Variants in ENDOD1 observed in about 807,000 individuals in gnomAD.
The protein encoded by ENDOD1 is endonuclease domain containing 1, also known as endonuclease domain-containing 1 protein.
In ENDOD1, 9 loss-of-function variants were observed where a neutral mutation model predicts 6.5. The observed-to-expected ratio is 1.39, with a 90% CI of 0.84 to 2.43. ENDOD1 has a LOEUF of 2.43. Among genes scored for constraint, ENDOD1 ranks in the 30% most tolerant of loss-of-function variants. The pLI is 0.00. For missense variants in ENDOD1, 648 were observed against 635.5 expected (o/e 1.02, Z -0.21); for synonymous variants, 255 against 255.2 (o/e 1.00, Z 0.01).
At chr11:95,093,154 A>G (rs1858947490) in intron 1 of ENDOD1, among the ~76,000 whole-genome samples, 1 of 152,228 alleles carries the variant, frequency 6.6e-6, no homozygotes, top group East Asian at 1.9e-4. Context: ...CCCAGCCCCT[A>G]CAGGACAAAG....
At position 95,130,486 on chromosome 11, in the gene ENDOD1, A is replaced by G. The variant is rs111553854; in HGVS notation, c.*907A>G. 3 of 152,252 alleles carry G rather than the reference A, an allele frequency of 2.0e-5. No individual in the cohort carries two copies. The highest frequency in any genetic ancestry group is 7.2e-5 in the African/African-American group (3 of 41,558). 9.4% of individuals were successfully genotyped at this position (152,252 alleles called of 1,614,324 possible). A position where few individuals can be genotyped will look rare whatever the true frequency, so the allele number is the denominator to read the frequency against. On this transcript the variant is annotated 3_prime_UTR_variant, in exon 2 of 2. Coordinates refer to ENST00000278505, the MANE Select transcript of ENDOD1 (RefSeq NM_015036.3). ...GTGTATCCCTGCCTGACAAGGTTGA[A>G]CTGAAAGATCTATATGTTAAGCTAA...
intron 1 of ENDOD1, among the ~76,000 whole-genome samples, chr11:95,110,793 G>A (rs1555111846): frequency 2.0e-5 from 3 of 152,122 alleles, no homozygotes; most frequent in African/African-American, 7.2e-5. Flanking sequence ...CCATGGTGTA[G>A]TCCCCTGACT....
At chr11:95,092,525 A>T (rs1228304759) in intron 1 of ENDOD1, among the ~76,000 whole-genome samples, 11 of 152,218 alleles carry the variant, frequency 7.2e-5, no homozygotes, top group Admixed American at 5.9e-4. Context: ...TTGAGAGGTA[A>T]GATGTACAGC....
At chr11:95,124,140 AAG>A (rs1859289483) in intron 1 of ENDOD1, among the ~76,000 whole-genome samples, 1 of 152,216 alleles carries the variant, frequency 6.6e-6, no homozygotes, top group South Asian at 2.1e-4. Flanking sequence ...AGGATTTCCC[AAG>A]AGAGAGAAAA....
rs1339574718 is a variant in ENDOD1 at position 95,089,970 on chromosome 11, C to G, written c.43C>G (p.Leu15Val). ...RWLALGSLFA[L>V]AGLLEGRLVG... ...GCTCGCGCTGGGCAGCCTCTTCGCC[C>G]TGGCTGGGCTGCTGGAAGGCCGGCT... Residue 15 changes from leucine (L) to valine (V), a missense_variant, in exon 1 of 2, where the codon CTG becomes GTG. Coordinates refer to ENST00000278505, the MANE Select transcript of ENDOD1 (RefSeq NM_015036.3). 1.3e-6 allele frequency: 2 copies of G among 1,532,598 alleles called. No individual in the cohort carries two copies. Among genetic ancestry groups the G allele is most frequent in the Non-Finnish European group, 1.8e-6 (2 of 1,139,128 alleles). The allele number at this position is 1,532,598 out of a possible 1,614,324, so 94.9% of individuals were successfully genotyped here.
In ENDOD1 at chr11:95,129,172, A is replaced by C. The variant is rs764907006; in HGVS notation, c.1096A>C (p.Lys366Gln). ...TGTCTATTTCCTGTGGTGTGTTACC[A>C]AGCAGGTGATTAATGGCATAGAAAG... ...NIVYFLWCVTKQVINGIESCL... is the reference protein window; with the variant it reads ...NIVYFLWCVTQQVINGIESCL... The change falls in exon 2 of 2, where the codon AAG (lysine) becomes CAG (glutamine). Residue 366 changes from lysine (K) to glutamine (Q), a missense_variant. Lys to Gln is a moderately conservative substitution (Grantham distance 53, BLOSUM62 1). Transcript: ENST00000278505. 6.2e-7 allele frequency: 1 copy of C among 1,614,180 alleles called. No homozygotes were observed. The highest frequency in any genetic ancestry group is 8.5e-7 in the Non-Finnish European group (1 of 1,180,034).
chr11:95,094,431 C>G (rs782425943), intron 1 of ENDOD1, among the ~76,000 whole-genome samples: 2 of 152,170 alleles, frequency 1.3e-5, no homozygotes, highest in Non-Finnish European at 2.9e-5. Flanking sequence ...CTAATTTCTA[C>G]TCCACTTCTA....
intron 1 of ENDOD1, among the ~76,000 whole-genome samples, chr11:95,105,773 T>C (rs190159636): frequency 2.1e-4 from 32 of 152,314 alleles, no homozygotes; most frequent in African/African-American, 7.2e-4. Context: ...ATTTGCATTA[T>C]TTTTATTGTT....
At chr11:95,110,583 A>ATGTGTG (rs35270641) in intron 1 of ENDOD1, among the ~76,000 whole-genome samples, 25 of 147,686 alleles carry the variant, frequency 1.7e-4, no homozygotes, top group Non-Finnish European at 3.2e-4. Context: ...CCGTGTATGT[A>ATGTGTG]TGTGTGTGTG....
In ENDOD1 at chr11:95,129,209, G is replaced by T. The variant is rs957695086; in HGVS notation, c.1133G>T (p.Arg378Leu). The change falls in exon 2 of 2, where the codon CGC becomes CTC. Residue 378 changes from arginine to leucine, a missense_variant. Transcript: ENST00000278505. The part of the protein sequence containing the change: ...VINGIESCLY[R>L]LGSATISYFM... The stretch of plus-strand genomic sequence containing the variant: ...AATGGCATAGAAAGTTGCCTTTACC[G>T]CCTGGGCTCAGCCACCATCTCATAC... The T allele has an allele frequency of 1.2e-6, 2 of 1,614,116 alleles. No individual in the cohort carries two copies. Among genetic ancestry groups the T allele is most frequent in the Non-Finnish European group, 1.7e-6 (2 of 1,180,038 alleles).
chr11:95,096,252 T>TTTC (rs56778814), intron 1 of ENDOD1, among the ~76,000 whole-genome samples: 49 of 138,310 alleles, frequency 3.5e-4, no homozygotes, highest in Non-Finnish European at 4.5e-4. Context: ...TTTTTTTTTT[T>TTTC]CAAATTTCCT....
Position 95,129,692 on chromosome 11 carries a change from G to T in ENDOD1, c.*113G>T. Reference sequence around the variant, plus strand: ...ATCATTATATTTTGGCCTTTGGTGGGGATGTCTGCTTGTTTTTGCAAAAGA... The same window carrying T: ...ATCATTATATTTTGGCCTTTGGTGGTGATGTCTGCTTGTTTTTGCAAAAGA... On this transcript the variant is annotated 3_prime_UTR_variant, in exon 2 of 2. Coordinates refer to ENST00000278505, the MANE Select transcript of ENDOD1 (RefSeq NM_015036.3). The T allele has an allele frequency of 8.3e-7, 1 of 1,199,472 alleles. No individual in the cohort carries two copies. The highest frequency in any genetic ancestry group is 1.2e-6 in the Non-Finnish European group (1 of 857,760). The allele number at this position is 1,199,472 out of a possible 1,614,324, so 74.3% of individuals were successfully genotyped here. A position where few individuals can be genotyped will look rare whatever the true frequency, so the allele number is the denominator to read the frequency against.
chr11:95,115,149 G>A (rs1270709097), intron 1 of ENDOD1, among the ~76,000 whole-genome samples: 1 of 151,932 alleles, frequency 6.6e-6, no homozygotes, highest in African/African-American at 2.4e-5. Context: ...CTTTTTGTGT[G>A]TCCTCTTTGA....
rs778685095 is a variant in ENDOD1, at chr11:95,131,717, C to T, written c.*2138C>T. 6.6e-6 allele frequency: 1 copy of T among 152,206 alleles called. No individual in the cohort carries two copies. Among genetic ancestry groups the T allele is most frequent in the Non-Finnish European group, 1.5e-5 (1 of 68,032 alleles). The allele number at this position is 152,206 out of a possible 1,614,324, so 9.4% of individuals were successfully genotyped here. A position where few individuals can be genotyped will look rare whatever the true frequency, so the allele number is the denominator to read the frequency against. ...GCATCCCATGGAAACTTAATTCCCT[C>T]CTAGCACATATTTGCATACTGAAAG... On this transcript the variant is annotated 3_prime_UTR_variant, in exon 2 of 2. Coordinates refer to ENST00000278505, the MANE Select transcript of ENDOD1 (RefSeq NM_015036.3).
At chr11:95,114,989 T>C (rs1859191742) in intron 1 of ENDOD1, among the ~76,000 whole-genome samples, 1 of 152,230 alleles carries the variant, frequency 6.6e-6, no homozygotes, top group African/African-American at 2.4e-5. Context: ...TCTTCTATGG[T>C]TCCATATAGA....
intron 1 of ENDOD1, among the ~76,000 whole-genome samples, chr11:95,104,732 C>T (rs998562561): frequency 2.0e-5 from 3 of 152,190 alleles, no homozygotes; most frequent in Non-Finnish European, 2.9e-5. Flanking sequence ...ACACTGAGCT[C>T]AAAGGAACCA....
At chr11:95,103,924 G>A (rs1181374303) in intron 1 of ENDOD1, among the ~76,000 whole-genome samples, 1 of 152,232 alleles carries the variant, frequency 6.6e-6, no homozygotes, top group African/African-American at 2.4e-5. Context: ...GCTAGGATGA[G>A]TGTAATGCTC....
intron 1 of ENDOD1, among the ~76,000 whole-genome samples, chr11:95,095,512 T>A (rs1490916252): frequency 7.1e-5 from 1 of 14,124 alleles, no homozygotes; most frequent in South Asian, 2.0e-3. Flanking sequence ...ATTCTCAGGA[T>A]CAAGTTAAGG....
At chr11:95,096,649 C>T (rs1014570532) in intron 1 of ENDOD1, among the ~76,000 whole-genome samples, 1 of 152,096 alleles carries the variant, frequency 6.6e-6, no homozygotes, top group African/African-American at 2.4e-5. Context: ...GCTGATTGGT[C>T]TTCAGTTTTT....
Sources: allele counts gnomAD v4.1 joint callset (sites outside exome capture counted in the v4.1 genomes callset), GRCh38; gene constraint gnomAD v4.1.1; transcripts MANE v1.5; gene names NCBI Gene and HGNC (gene_info 2026-07-23, HGNC 2026-07-21).